CSMD1: variants seen among roughly 807,000 people sequenced by gnomAD.
CSMD1 encodes CUB and sushi domain-containing protein 1.
Under a neutral mutation model 417.5 loss-of-function variants are expected in CSMD1, and 213 were observed. The ratio of observed to expected loss-of-function variants is 0.51; its 90% confidence interval spans 0.46 to 0.57. The LOEUF is 0.57. Among genes scored for constraint, CSMD1 ranks in the 20% least tolerant of loss-of-function variants. The probability of loss-of-function intolerance (pLI) is 0.00; values close to 1 mark genes in which losing one functional copy is unlikely to be tolerated. For missense variants in CSMD1, 6,923 were observed against 4,529.7 expected (o/e 1.53, Z -15.17); for synonymous variants, 2,862 against 1,736.8 (o/e 1.65, Z -16.11).
At chr8:3,327,251 T>C (rs1286997122) in intron 23 of CSMD1, among the ~76,000 whole-genome samples, 2 of 152,006 alleles carry the variant, frequency 1.3e-5, no homozygotes, top group African/African-American at 4.8e-5. Flanking sequence ...CACGCCATTC[T>C]CCTGCCTCAG....
intron 2 of CSMD1, among the ~76,000 whole-genome samples, chr8:4,455,880 G>A (rs917034918): frequency 5.2e-5 from 6 of 115,924 alleles, no homozygotes; most frequent in Non-Finnish European, 9.8e-5. Flanking sequence ...AGTGAGCCAA[G>A]ATCATGCCAC....
chr8:2,996,340 A>T (rs1806893853), intron 54 of CSMD1, among the ~76,000 whole-genome samples: 1 of 152,092 alleles, frequency 6.6e-6, no homozygotes, highest in Non-Finnish European at 1.5e-5. Flanking sequence ...AAAATGAGAG[A>T]CTACACATTA....
At chr8:4,914,699 G>C (rs191286372) in intron 1 of CSMD1, among the ~76,000 whole-genome samples, 1 of 152,102 alleles carries the variant, frequency 6.6e-6, no homozygotes, top group East Asian at 1.9e-4. Context: ...ACTCGGAAAA[G>C]GAAATTAGTA....
At chr8:3,469,645 TAGGA>T in intron 11 of CSMD1, among the ~76,000 whole-genome samples, 1 of 152,290 alleles carries the variant, frequency 6.6e-6, no homozygotes, top group Non-Finnish European at 1.5e-5. Flanking sequence ...CCTAATCAAA[TAGGA>T]AGCTTGACTT....
At chr8:4,636,406 G>C (rs1410080220) in intron 2 of CSMD1, among the ~76,000 whole-genome samples, 1 of 152,144 alleles carries the variant, frequency 6.6e-6, no homozygotes, top group Non-Finnish European at 1.5e-5. Context: ...CGAATAGATT[G>C]TACCATTATT....
chr8:3,158,437 C>T (rs1190289004), intron 38 of CSMD1, among the ~76,000 whole-genome samples: 2 of 152,170 alleles, frequency 1.3e-5, no homozygotes, highest in Admixed American at 1.3e-4. Flanking sequence ...CGTCACATGA[C>T]TACCAGGGTT....
At chr8:3,373,511 T>A (rs1019078026) in intron 18 of CSMD1, 1 of 152,204 alleles carries the variant, frequency 6.6e-6, no homozygotes, top group African/African-American at 2.4e-5. Context: ...AAATTTGATG[T>A]ATGGAGAATT....
At chr8:3,575,915 C>A (rs1800133215) in intron 9 of CSMD1, among the ~76,000 whole-genome samples, 1 of 151,488 alleles carries the variant, frequency 6.6e-6, no homozygotes, top group Non-Finnish European at 1.5e-5. Flanking sequence ...TTTTAACATT[C>A]ATAATTTAAA....
intron 25 of CSMD1, among the ~76,000 whole-genome samples, chr8:3,293,309 G>C (rs187641331): frequency 6.6e-6 from 1 of 151,976 alleles, no homozygotes; most frequent in African/African-American, 2.4e-5. Flanking sequence ...GTGTCTTTGA[G>C]TTGCTCTTCT....
At chr8:3,835,158 G>A (rs1212047021) in intron 5 of CSMD1, among the ~76,000 whole-genome samples, 1 of 147,268 alleles carries the variant, frequency 6.8e-6, no homozygotes, top group Non-Finnish European at 1.5e-5. Context: ...AAGTCAGTGT[G>A]GCGATTCCTC....
rs113116137 is a variant in CSMD1, at chr8:4,022,372, A to G, written c.610+9533T>C. 6.8e-3 allele frequency among the ~76,000 whole-genome samples: 1,040 copies of G among 152,158 alleles called. 4 individuals are homozygous for G. The highest frequency in any genetic ancestry group is 0.012 in the Non-Finnish European group (801 of 68,016). On this transcript the variant is annotated intron_variant, in intron 4 of 69. Transcript: ENST00000635120. ...ATAGCATACTTAAAATCATGAAGCA[A>G]CACTGTAAAAATTATGGGAGGACAT... is the stretch of plus-strand genomic sequence containing the variant.
chr8:3,941,331 A>G (rs1157744397), intron 5 of CSMD1, among the ~76,000 whole-genome samples: 2 of 152,120 alleles, frequency 1.3e-5, no homozygotes, highest in Non-Finnish European at 2.9e-5. Flanking sequence ...TGCCATTTAC[A>G]ACTTTTCTTC....
chr8:4,685,785 C>A (rs924014309), intron 1 of CSMD1, among the ~76,000 whole-genome samples: 1 of 152,058 alleles, frequency 6.6e-6, no homozygotes, highest in Non-Finnish European at 1.5e-5. Flanking sequence ...TTTATTAGGT[C>A]GGTGCAAAAG....
chr8:3,943,792 T>C (rs935718169), intron 5 of CSMD1, among the ~76,000 whole-genome samples: 1 of 152,012 alleles, frequency 6.6e-6, no homozygotes, highest in African/African-American at 2.4e-5. Context: ...GGACAGCCTG[T>C]AAAATAATTG....
At chr8:4,112,725 CAT>C (rs1801922677) in intron 3 of CSMD1, among the ~76,000 whole-genome samples, 1 of 152,202 alleles carries the variant, frequency 6.6e-6, no homozygotes. Context: ...GATTTAATTA[CAT>C]GTTTAAAAAT....
At chr8:4,986,681 T>C (rs750847792) in intron 1 of CSMD1, among the ~76,000 whole-genome samples, 1 of 152,106 alleles carries the variant, frequency 6.6e-6, no homozygotes, top group African/African-American at 2.4e-5. Flanking sequence ...ATAAACATTA[T>C]GGACAAGGAG....
intron 2 of CSMD1, among the ~76,000 whole-genome samples, chr8:4,486,851 A>G (rs527393244): frequency 1.3e-5 from 2 of 152,276 alleles, no homozygotes; most frequent in African/African-American, 4.8e-5. Context: ...GTTATTAATT[A>G]CACATCAAGC....
intron 3 of CSMD1, among the ~76,000 whole-genome samples, chr8:4,261,494 G>T (rs938171230): frequency 6.6e-6 from 1 of 152,134 alleles, no homozygotes; most frequent in South Asian, 2.1e-4. Context: ...GTACAGCATG[G>T]TTACTTTAGC....
intron 5 of CSMD1, among the ~76,000 whole-genome samples, chr8:3,764,161 G>A (rs368508888): frequency 3.3e-5 from 5 of 152,200 alleles, no homozygotes; most frequent in South Asian, 2.1e-4. Flanking sequence ...CTCACTCCAG[G>A]GACCCCTCCT....
Sources: allele counts gnomAD v4.1 joint callset (sites outside exome capture counted in the v4.1 genomes callset), GRCh38; gene constraint gnomAD v4.1.1; transcripts MANE v1.5; gene names NCBI Gene and HGNC (gene_info 2026-07-23, HGNC 2026-07-21).